The following LRP4 variants were observed in gnomAD, a reference collection of about 807,000 sequenced individuals.
LRP4 encodes the protein LDL receptor related protein 4.
LRP4 carries 95 observed loss-of-function variants against 220.3 expected under a neutral mutation model. That is an observed-to-expected ratio of 0.43 (90% CI 0.37 to 0.51). The LOEUF is 0.51. Among genes scored for constraint, LRP4 ranks in the 20% least tolerant of loss-of-function variants. The pLI is 0.00. For missense variants in LRP4, 1,925 were observed against 2,567.0 expected (o/e 0.75, Z 5.40); for synonymous variants, 903 against 954.6 (o/e 0.95, Z 1.00).
chr11:46,914,420 G>A (rs1000892795), intron 1 of LRP4, among the ~76,000 whole-genome samples: 2 of 152,234 alleles, frequency 1.3e-5, no homozygotes, highest in Admixed American at 6.5e-5. Context: ...GAATGCTCCC[G>A]ATTGTACGAG....
At chr11:46,865,092 C>A in intron 35 of LRP4, 27 bp downstream of exon 35, 1 of 1,549,006 alleles carries the variant, frequency 6.5e-7, no homozygotes, top group Non-Finnish European at 8.7e-7. Flanking sequence ...TCTTCTTTTC[C>A]GGAACAGTGG....
In LRP4 at chr11:46,865,164, G is replaced by C. The variant is rs1372975393; in HGVS notation, c.5110C>G (p.Leu1704Val). The C allele has an allele frequency of 6.4e-7, 1 of 1,558,830 alleles. No individual in the cohort carries two copies. Among genetic ancestry groups the C allele is most frequent in the Non-Finnish European group, 8.7e-7 (1 of 1,150,504 alleles). Residue 1704 changes from leucine (L) to valine (V), a missense_variant, in exon 35 of 38, where the codon CTG (leucine) becomes GTG (valine). Around this residue, in one of 3 missense-constraint regions of LRP4, gnomAD observed 1,244 missense variants for 1,624.9 expected, o/e 0.77. Coordinates refer to ENST00000378623, the MANE Select transcript of LRP4 (RefSeq NM_002334.4). ...TCATTGGAACGTGCACAGAGGCCCAGCCTGGCATCCCTTTCAGAGCATCTG... is the reference window on the plus strand; with the variant it reads ...TCATTGGAACGTGCACAGAGGCCCACCCTGGCATCCCTTTCAGAGCATCTG... ...EGRCSERDAR[L>V]GLCARSNDAV...
intron 13 of LRP4, 42 bp downstream of exon 13, chr11:46,892,931 G>C (rs766637504): frequency 6.2e-7 from 1 of 1,607,358 alleles, no homozygotes; most frequent in South Asian, 1.1e-5. Flanking sequence ...GAGCTGTCCC[G>C]AGAGGTTGCA....
Position 46,859,323 on chromosome 11 carries a change from GGA to G in LRP4, c.5386-10_5386-9del. ...GTTATGGTCAGGCCCTCCCTAGGGT[GGA>G]GAGTGGGCAGATATGGTCAGTCAGT... On this transcript the variant is annotated splice_polypyrimidine_tract_variant and intron_variant, in intron 37 of 37. Coordinates refer to ENST00000378623, the MANE Select transcript of LRP4 (RefSeq NM_002334.4). The G allele has an allele frequency of 6.2e-7, 1 of 1,605,728 alleles. No homozygotes were observed. The highest frequency in any genetic ancestry group is 1.3e-5 in the African/African-American group (1 of 74,868).
At chr11:46,908,177 AC>A (rs1941792136) in intron 1 of LRP4, among the ~76,000 whole-genome samples, 1 of 151,978 alleles carries the variant, frequency 6.6e-6, no homozygotes, top group African/African-American at 2.4e-5. Context: ...TGATCCGCCC[AC>A]CTCGGCCTCC....
In LRP4 at chr11:46,875,404, G is replaced by A. The variant is rs1282444702; in HGVS notation, c.3925+52C>T. 2 of 1,465,178 alleles carry A rather than the reference G, an allele frequency of 1.4e-6. No individual in the cohort carries two copies. Among genetic ancestry groups the A allele is most frequent in the Non-Finnish European group, 1.9e-6 (2 of 1,047,428 alleles). The allele number at this position is 1,465,178 out of a possible 1,614,324, so 90.8% of individuals were successfully genotyped here. The stretch of plus-strand genomic sequence containing the variant: ...TGGATATATCTCTGATGTTGAGATG[G>A]CCCCAGAAAGCCAGAGGCTCTGACT... On this transcript the variant is annotated intron_variant, in intron 27 of 37. Transcript: ENST00000378623. This position sits in a 1 kb window ranked among gnomAD's most constrained non-coding sequence, Gnocchi z 4.5.
At position 46,873,591 on chromosome 11, in the gene LRP4, C is replaced by T. The variant is rs963817724; in HGVS notation, c.4232G>A (p.Arg1411Gln). 2 of 1,611,404 alleles carry T rather than the reference C, an allele frequency of 1.2e-6. No individual in the cohort carries two copies. Among genetic ancestry groups the T allele is most frequent in the East Asian group, 2.2e-5 (1 of 44,812 alleles). The change falls in exon 29 of 38, where the codon CGA becomes CAA. Residue 1411 changes from arginine to glutamine, a missense_variant and splice_region_variant. Physicochemically the swap from Arg to Gln is conservative, Grantham distance 43 (BLOSUM62 1). Around this residue, in one of 3 missense-constraint regions of LRP4, gnomAD observed 1,244 missense variants for 1,624.9 expected, o/e 0.77. Coordinates refer to ENST00000378623, the MANE Select transcript of LRP4 (RefSeq NM_002334.4). The surrounding 1 kb of genome is among the most constrained non-coding windows in gnomAD (Gnocchi z 4.2). ...CATGTTGCTGCCGTTCAGGTCTGCT[C>T]GCCTTGGGGAGAGCCCAGTGTTGGA... ...YTDVFLDVIR[R>Q]ADLNGSNMET...
intron 1 of LRP4, among the ~76,000 whole-genome samples, chr11:46,907,469 C>T (rs1941781341): frequency 6.6e-6 from 1 of 152,224 alleles, no homozygotes; most frequent in South Asian, 2.1e-4. Flanking sequence ...CTGAGACTTG[C>T]ATGGCCCAGG....
At chr11:46,883,282 C>T (rs1941204380) in intron 19 of LRP4, among the ~76,000 whole-genome samples, 1 of 152,234 alleles carries the variant, frequency 6.6e-6, no homozygotes, top group Admixed American at 6.5e-5. Context: ...TAAGCAAAAT[C>T]TCTGCAGCAC....
At chr11:46,886,918 G>A (rs2080362101) in intron 16 of LRP4, among the ~76,000 whole-genome samples, 1 of 152,128 alleles carries the variant, frequency 6.6e-6, no homozygotes, top group Non-Finnish European at 1.5e-5. Context: ...TCCATCACCT[G>A]GATCCCTTCC....
intron 1 of LRP4, among the ~76,000 whole-genome samples, chr11:46,911,836 ATCT>A (rs1592555273): frequency 7.9e-6 from 1 of 126,084 alleles, no homozygotes; most frequent in African/African-American, 2.6e-5. Flanking sequence ...TAAGATGGGA[ATCT>A]TCTTTTTTTT....
chr11:46,891,752 AC>A lies in LRP4; in HGVS notation c.1697+1220del, dbSNP rs1202004887. Among the ~76,000 whole-genome samples, 21 of 152,020 alleles carry A rather than the reference AC, an allele frequency of 1.4e-4. No individual in the cohort carries two copies. The East Asian group carries it at 3.7e-3, about 27-fold the overall frequency. ...TACCTCAGCCTCCTGTGTAGTTGGGACTACAGGCATGCATCAATAAGTCCAG... is the reference window on the plus strand; with the variant it reads ...TACCTCAGCCTCCTGTGTAGTTGGGATACAGGCATGCATCAATAAGTCCAG... On this transcript the variant is annotated intron_variant, in intron 13 of 37. Transcript: ENST00000378623.
intron 32 of LRP4, 105 bp from the exon 33 acceptor site, chr11:46,868,818 CA>C: frequency 8.1e-7 from 1 of 1,236,728 alleles, no homozygotes; most frequent in Non-Finnish European, 1.2e-6. Flanking sequence ...CTCCCAGGGA[CA>C]GGGGAGGAGG....
intron 1 of LRP4, among the ~76,000 whole-genome samples, chr11:46,905,252 A>C (rs968589648): frequency 3.9e-5 from 6 of 152,226 alleles, no homozygotes; most frequent in Admixed American, 1.3e-4. Flanking sequence ...TGGACAACAC[A>C]GCCTGAGGAA....
In LRP4 at chr11:46,899,321, C is replaced by G. The variant is rs1217157435; in HGVS notation, c.547+66G>C. 3 of 1,322,670 alleles carry G rather than the reference C, an allele frequency of 2.3e-6. No homozygotes were observed. The allele number at this position is 1,322,670 out of a possible 1,614,324, so 81.9% of individuals were successfully genotyped here. On this transcript the variant is annotated intron_variant, in intron 5 of 37. Transcript: ENST00000378623. This position sits in a 1 kb window ranked among gnomAD's most constrained non-coding sequence, Gnocchi z 5.9. ...GGTACATGCACTCCTCAGCCTCGCC[C>G]TTAGCCAATGGGCAGAACTGTCTGC...
In LRP4 at chr11:46,876,457, A is replaced by G; in HGVS notation, c.3536+9T>C. The G allele has an allele frequency of 6.2e-7, 1 of 1,614,166 alleles. No individual in the cohort carries two copies. The highest frequency in any genetic ancestry group is 8.5e-7 in the Non-Finnish European group (1 of 1,180,032). ...CCACACTACCCAGTGCGATACAGCC[A>G]GCTCTCACCCCATCTCATGGTACAG... On this transcript the variant is annotated intron_variant, in intron 25 of 37. Coordinates refer to ENST00000378623, the MANE Select transcript of LRP4 (RefSeq NM_002334.4).
Position 46,871,637 on chromosome 11 carries a change from C to T in LRP4, c.4584-4G>A, listed in dbSNP as rs368518969. 3.4e-5 allele frequency: 54 copies of T among 1,597,970 alleles called. No individual in the cohort carries two copies. The African/African-American group carries it at 3.5e-4, about 10-fold the overall frequency. ...ATGCGCATCCACCCAGTAGATCCTG[C>T]GAAGAAAATGAAAAGAGTGGCTGCT... is the stretch of plus-strand genomic sequence containing the variant. On this transcript the variant is annotated splice_polypyrimidine_tract_variant and splice_region_variant and intron_variant, in intron 30 of 37. Transcript: ENST00000378623.
chr11:46,890,151 G>T lies in LRP4; in HGVS notation c.1916-31C>A. On this transcript the variant is annotated intron_variant, in intron 14 of 37. Coordinates refer to ENST00000378623, the MANE Select transcript of LRP4 (RefSeq NM_002334.4). This position sits in a 1 kb window ranked among gnomAD's most constrained non-coding sequence, Gnocchi z 5.3. ...GAAAGTCCAGGAAGACCTCAGTCTG[G>T]ACGTGGTCTGCCATGTCCCCTGGGC... 4 of 1,611,636 alleles carry T rather than the reference G, an allele frequency of 2.5e-6. No homozygotes were observed. The highest frequency in any genetic ancestry group is 3.4e-6 in the Non-Finnish European group (4 of 1,177,862).
intron 8 of LRP4, 46 bp from the exon 9 acceptor site, chr11:46,896,381 A>C: frequency 6.2e-7 from 1 of 1,607,248 alleles, no homozygotes; most frequent in Non-Finnish European, 8.5e-7. Context: ...GGCTTGGGCC[A>C]ACAAAGAGAT....
Sources: allele counts gnomAD v4.1 joint callset (sites outside exome capture counted in the v4.1 genomes callset), GRCh38; gene constraint gnomAD v4.1.1; regional missense constraint gnomAD v4.1.1; non-coding constraint Gnocchi (gnomAD v3.1); transcripts MANE v1.5; gene names NCBI Gene and HGNC (gene_info 2026-07-23, HGNC 2026-07-21).